The following LRIG3 variants were observed in gnomAD, a reference collection of about 807,000 sequenced individuals.
LRIG3 encodes leucine-rich repeats and immunoglobulin-like domains protein 3.
LRIG3 carries 76 observed loss-of-function variants against 114.5 expected under a neutral mutation model. The observed-to-expected ratio is 0.66, with a 90% CI of 0.55 to 0.80. LRIG3 has a LOEUF of 0.80. Among genes scored for constraint, LRIG3 ranks in the 30% least tolerant of loss-of-function variants. LRIG3 has a pLI of 0.00. For missense variants in LRIG3, 1,239 were observed against 1,382.8 expected, an observed-to-expected ratio of 0.90 and a Z score of 1.65; for synonymous variants, 512 against 519.8, an observed-to-expected ratio of 0.98 and a Z score of 0.20.
At chr12:58,898,664 G>T (rs1871730214) in intron 3 of LRIG3, among the ~76,000 whole-genome samples, 1 of 149,062 alleles carries the variant, frequency 6.7e-6, no homozygotes. Context: ...TTTCTCCCTT[G>T]TTTTTTTTTT....
intron 5 of LRIG3, among the ~76,000 whole-genome samples, chr12:58,889,600 C>G (rs567987439): frequency 6.6e-6 from 1 of 151,974 alleles, no homozygotes; most frequent in African/African-American, 2.4e-5. Context: ...GTTCACAGAT[C>G]GCTCTACCAT....
At chr12:58,905,205 G>A (rs1872018044) in intron 3 of LRIG3, among the ~76,000 whole-genome samples, 1 of 152,140 alleles carries the variant, frequency 6.6e-6, no homozygotes, top group South Asian at 2.1e-4. Flanking sequence ...AAGGGTTTAA[G>A]GAATCATGCA....
chr12:58,882,438 C>A (rs1184588652), intron 12 of LRIG3, among the ~76,000 whole-genome samples: 1 of 152,082 alleles, frequency 6.6e-6, no homozygotes, highest in East Asian at 1.9e-4. Flanking sequence ...GTTTTACCGA[C>A]CAATAGTTAA....
chr12:58,893,716 T>A (rs1871533410), intron 3 of LRIG3, among the ~76,000 whole-genome samples: 1 of 152,162 alleles, frequency 6.6e-6, no homozygotes. Context: ...GACAGAAGTT[T>A]TCTCTTAAAT....
intron 3 of LRIG3, among the ~76,000 whole-genome samples, chr12:58,900,294 T>C (rs1318707403): frequency 6.6e-6 from 1 of 152,106 alleles, no homozygotes; most frequent in Non-Finnish European, 1.5e-5. Context: ...CCTTTTTTTT[T>C]TTTTTGATCA....
At chr12:58,880,537 TA>T in intron 13 of LRIG3, 43 bp downstream of exon 13, 1 of 1,581,012 alleles carries the variant, frequency 6.3e-7, no homozygotes, top group Non-Finnish European at 8.6e-7. Context: ...TTTCTATTTC[TA>T]AAAGGTATCT....
Position 58,920,200 on chromosome 12 carries a change from C to T in LRIG3, c.36G>A (p.Gly12=). 2 of 1,416,664 alleles carry T rather than the reference C, an allele frequency of 1.4e-6. No individual in the cohort carries two copies. The highest frequency in any genetic ancestry group is 1.8e-6 in the Non-Finnish European group (2 of 1,096,708). The allele number at this position is 1,416,664 out of a possible 1,614,324, so 87.8% of individuals were successfully genotyped here. ...GCACCGCGCACAGCAGCAGCCCCAA[C>T]CCCGCGGCGCGCGCACGGAGGCTCG... ...SAPSLRARAA[G]LGLLLCAVLG... is the part of the protein sequence containing the mutation. Residue 12 remains glycine (G), a synonymous_variant, in exon 1 of 19, where the codon GGG becomes GGA. Transcript: ENST00000320743.
At chr12:58,889,887 C>T in intron 5 of LRIG3, 109 bp downstream of exon 5, 1 of 1,351,434 alleles carries the variant, frequency 7.4e-7, no homozygotes, top group Non-Finnish European at 1.0e-6. Context: ...GGAAAGGCAG[C>T]TACATCCTTG....
chr12:58,892,258 C>G (rs186368709), intron 3 of LRIG3, among the ~76,000 whole-genome samples: 2 of 152,206 alleles, frequency 1.3e-5, no homozygotes, highest in East Asian at 3.9e-4. Context: ...GAAAGGATAC[C>G]TACAAATCAT....
chr12:58,911,504 A>T (rs1872273047), intron 3 of LRIG3, among the ~76,000 whole-genome samples: 1 of 152,184 alleles, frequency 6.6e-6, no homozygotes. Flanking sequence ...ACTCATAAAA[A>T]TGTTTTCCTC....
intron 3 of LRIG3, among the ~76,000 whole-genome samples, chr12:58,895,123 C>T (rs145216967): frequency 1.8e-4 from 28 of 152,278 alleles, no homozygotes; most frequent in East Asian, 5.8e-4. Context: ...AAAATGCAGA[C>T]GCAAACATGG....
Position 58,880,692 on chromosome 12 carries a change from T to C in LRIG3, c.1690A>G (p.Thr564Ala), listed in dbSNP as rs1565614720. The change falls in exon 13 of 19, where the codon ACC becomes GCC. Residue 564 changes from threonine to alanine, a missense_variant. Transcript: ENST00000320743. ...TCCACCTCGCGCAGCCGAAGGATGGTGGTATACTCCATCACCTCGCCACCT... is the reference window on the plus strand; with the variant it reads ...TCCACCTCGCGCAGCCGAAGGATGGCGGTATACTCCATCACCTCGCCACCT... ...AQGGEVMEYT[T>A]ILRLREVEFA... is the part of the protein sequence containing the mutation. 5 of 1,614,190 alleles carry C rather than the reference T, an allele frequency of 3.1e-6. No homozygotes were observed. The highest frequency in any genetic ancestry group is 3.3e-4 in the Middle Eastern group (2 of 6,062).
chr12:58,914,344 A>C lies in LRIG3; in HGVS notation c.237-8T>G, dbSNP rs370476080. ...CTGTTGTGACTTAAGTCCCTATAAG[A>C]AAACAAAAATAAAATTATAAGTCAT... On this transcript the variant is annotated splice_polypyrimidine_tract_variant and splice_region_variant and intron_variant, in intron 1 of 18. Coordinates refer to ENST00000320743, the MANE Select transcript of LRIG3 (RefSeq NM_153377.5). 1.2e-5 allele frequency: 20 copies of C among 1,606,314 alleles called. No individual in the cohort carries two copies. The highest frequency in any genetic ancestry group is 1.3e-5 in the Non-Finnish European group (15 of 1,174,252).
At chr12:58,906,017 C>A (rs1038544067) in intron 3 of LRIG3, among the ~76,000 whole-genome samples, 2 of 152,142 alleles carry the variant, frequency 1.3e-5, no homozygotes, top group Non-Finnish European at 2.9e-5. Context: ...GTGAAGCAAA[C>A]AGCCCATTCA....
intron 3 of LRIG3, among the ~76,000 whole-genome samples, chr12:58,909,397 T>A (rs1185800230): frequency 6.6e-6 from 1 of 152,190 alleles, no homozygotes; most frequent in East Asian, 1.9e-4. Flanking sequence ...TTTCTCTTCA[T>A]AGCATTGATC....
At chr12:58,894,086 T>A (rs1274807848) in intron 3 of LRIG3, among the ~76,000 whole-genome samples, 2 of 152,208 alleles carry the variant, frequency 1.3e-5, no homozygotes, top group Non-Finnish European at 2.9e-5. Context: ...AAGGTAATTA[T>A]GAACAAGGTA....
At chr12:58,894,605 C>T (rs560240875) in intron 3 of LRIG3, among the ~76,000 whole-genome samples, 1 of 151,956 alleles carries the variant, frequency 6.6e-6, no homozygotes, top group South Asian at 2.1e-4. Flanking sequence ...CAACTCAACC[C>T]CACCTTTCAT....
In LRIG3 at chr12:58,909,746, C is replaced by T. The variant is rs1039964191; in HGVS notation, c.383+4236G>A. 3.7e-4 allele frequency among the ~76,000 whole-genome samples: 56 copies of T among 152,316 alleles called. 1 individual carries two copies. The highest frequency in any genetic ancestry group is 1.3e-3 in the African/African-American group (53 of 41,566). ...CAGTAACTTGCCCAAGGTTACAAAC[C>T]TGGCAAAGGGTGGAGCCAAAAGTTA... On this transcript the variant is annotated intron_variant, in intron 3 of 18. Transcript: ENST00000320743.
chr12:58,907,410 A>G (rs951360692), intron 3 of LRIG3, among the ~76,000 whole-genome samples: 4 of 152,154 alleles, frequency 2.6e-5, no homozygotes, highest in Admixed American at 1.3e-4. Context: ...TTCACCCCCA[A>G]TGCAAAATGG....
Sources: allele counts gnomAD v4.1 joint callset (sites outside exome capture counted in the v4.1 genomes callset), GRCh38; gene constraint gnomAD v4.1.1; transcripts MANE v1.5; gene names NCBI Gene and HGNC (gene_info 2026-07-23, HGNC 2026-07-21).